SV2C: variants seen among roughly 807,000 people sequenced by gnomAD.
SV2C encodes synaptic vesicle glycoprotein 2C.
Under a neutral mutation model 79.7 loss-of-function variants are expected in SV2C, and 49 were observed. The observed-to-expected ratio is 0.61, with a 90% confidence interval of 0.49 to 0.78. The LOEUF is 0.78. Among genes scored for constraint, SV2C ranks in the 30% least tolerant of loss-of-function variants. SV2C has a pLI of 0.00. For missense variants in SV2C, 833 were observed against 912.9 expected (o/e 0.91, Z 1.13); for synonymous variants, 334 against 333.2 (o/e 1.00, Z -0.03).
At chr5:76,184,663 A>T (rs1743855141) in intron 2 of SV2C, among the ~76,000 whole-genome samples, 1 of 152,212 alleles carries the variant, frequency 6.6e-6, no homozygotes, top group Admixed American at 6.5e-5. Context: ...CTCAGATCTC[A>T]TGAGAACTCA....
rs1259855690 is a variant in SV2C, at chr5:76,131,740, G to T, written c.-11G>T. On this transcript the variant is annotated 5_prime_UTR_variant, in exon 2 of 13. Coordinates refer to ENST00000502798, the MANE Select transcript of SV2C (RefSeq NM_014979.4). ...TTTCCCATCTTCTCATTGGCCATCA[G>T]TTGAGATAAGATGGAAGACTCTTAC... is the stretch of plus-strand genomic sequence containing the variant. 1 of 1,583,282 alleles carries T rather than the reference G, an allele frequency of 6.3e-7. No individual in the cohort carries two copies. The highest frequency in any genetic ancestry group is 8.6e-7 in the Non-Finnish European group (1 of 1,161,808).
chr5:75,871,437 G>A, the SV2C span, among the ~76,000 whole-genome samples: 16 of 152,242 alleles, frequency 1.1e-4, no homozygotes, highest in South Asian at 2.3e-3. Flanking sequence ...TCATTTGCAA[G>A]TGATAAGACT....
At chr5:75,938,076 G>C in the SV2C span, among the ~76,000 whole-genome samples, 2 of 152,156 alleles carry the variant, frequency 1.3e-5, no homozygotes, top group African/African-American at 4.8e-5. Context: ...TTTGAAAGAA[G>C]AGACATGATT....
rs1321307494 is a variant in SV2C, at chr5:76,083,450, C to A, written c.-164C>A. The A allele has an allele frequency of 6.6e-6, 1 of 152,456 alleles. No individual in the cohort carries two copies. Among genetic ancestry groups the A allele is most frequent in the Non-Finnish European group, 1.5e-5 (1 of 68,272 alleles). The allele number at this position is 152,456 out of a possible 1,614,324, so 9.4% of individuals were successfully genotyped here. On this transcript the variant is annotated 5_prime_UTR_variant, in exon 1 of 13. Coordinates refer to ENST00000502798, the MANE Select transcript of SV2C (RefSeq NM_014979.4). Reference sequence around the variant, plus strand: ...CCCGGGGAAGCGAGCCGGAGCGGCGCCCGCACTGAGGCGGCTGCAGTGCTG... The same window carrying A: ...CCCGGGGAAGCGAGCCGGAGCGGCGACCGCACTGAGGCGGCTGCAGTGCTG...
chr5:76,270,667 T>A (rs1227803038), intron 4 of SV2C, among the ~76,000 whole-genome samples: 1 of 152,232 alleles, frequency 6.6e-6, no homozygotes, highest in East Asian at 1.9e-4. Context: ...ATGTATATTG[T>A]GTTGGGGCTC....
chr5:75,905,273 G>C, the SV2C span, among the ~76,000 whole-genome samples: 1 of 152,162 alleles, frequency 6.6e-6, no homozygotes, highest in South Asian at 2.1e-4. Context: ...GTGATCACAT[G>C]AGAACAAAGA....
chr5:76,022,181 A>G, the SV2C span, among the ~76,000 whole-genome samples: 4 of 152,206 alleles, frequency 2.6e-5, no homozygotes, highest in Non-Finnish European at 5.9e-5. Flanking sequence ...CATTTAGCAC[A>G]CTGAAGGATG....
intron 1 of SV2C, among the ~76,000 whole-genome samples, chr5:76,110,321 TG>T (rs1561219221): frequency 6.6e-6 from 1 of 152,128 alleles, no homozygotes; most frequent in Non-Finnish European, 1.5e-5. Flanking sequence ...TTGTGCTCGT[TG>T]GGAAGTGGAT....
rs748000460 is a variant in SV2C, at chr5:76,291,218, C to T, written c.1138-3C>T. ...TAGCGCTTTGGTCTGTTTCTCTCTACAGGTAAACAAAATAAAAACTCCTAA... is the reference window on the plus strand; with the variant it reads ...TAGCGCTTTGGTCTGTTTCTCTCTATAGGTAAACAAAATAAAAACTCCTAA... On this transcript the variant is annotated splice_region_variant and splice_polypyrimidine_tract_variant and intron_variant, in intron 6 of 12. Transcript: ENST00000502798. The T allele has an allele frequency of 5.0e-6, 8 of 1,602,938 alleles. No individual in the cohort carries two copies. Among genetic ancestry groups the T allele is most frequent in the Non-Finnish European group, 6.8e-6 (8 of 1,171,856 alleles).
chr5:75,916,614 A>C, the SV2C span, among the ~76,000 whole-genome samples: 2 of 152,072 alleles, frequency 1.3e-5, no homozygotes, highest in Admixed American at 6.5e-5. Flanking sequence ...AGCTGGGATT[A>C]CAGGCACACA....
At chr5:75,848,445 G>A in the SV2C span, among the ~76,000 whole-genome samples, 1 of 152,176 alleles carries the variant, frequency 6.6e-6, no homozygotes, top group Non-Finnish European at 1.5e-5. Context: ...CTGGGGAGAA[G>A]GATGAAGGAA....
At chr5:75,886,395 C>T in the SV2C span, among the ~76,000 whole-genome samples, 526 of 152,288 alleles carry the variant, frequency 3.5e-3, 1 homozygote, top group African/African-American at 0.012. Flanking sequence ...CTCTGAGCCA[C>T]CAGAGGAGGC....
the SV2C span, among the ~76,000 whole-genome samples, chr5:75,908,774 C>T: frequency 2.0e-5 from 3 of 152,180 alleles, no homozygotes; most frequent in Admixed American, 6.5e-5. Context: ...GTAGATTTAT[C>T]ATTGTCAGTG....
chr5:76,217,255 C>T (rs1255022483), intron 4 of SV2C, among the ~76,000 whole-genome samples: 1 of 152,172 alleles, frequency 6.6e-6, no homozygotes, highest in Admixed American at 6.5e-5. Context: ...TACATATATT[C>T]CCAAGGTTGT....
At chr5:76,002,631 G>T in the SV2C span, among the ~76,000 whole-genome samples, 252 of 152,142 alleles carry the variant, frequency 1.7e-3, 7 homozygotes, top group East Asian at 0.043. Context: ...ACATATCTAG[G>T]GGCAGAAAGA....
intron 12 of SV2C, among the ~76,000 whole-genome samples, chr5:76,316,676 C>T (rs937469685): frequency 2.6e-5 from 4 of 152,144 alleles, no homozygotes; most frequent in African/African-American, 9.6e-5. Flanking sequence ...TGAGTGGGTA[C>T]CATGAGGGAA....
rs1350809221 is a variant in SV2C at position 76,330,190 on chromosome 5, G to T, written c.*4643G>T. The T allele has an allele frequency of 2.0e-5, 3 of 152,004 alleles. No individual in the cohort carries two copies. Among genetic ancestry groups the T allele is most frequent in the South Asian group, 2.1e-4 (1 of 4,804 alleles). The allele number at this position is 152,004 out of a possible 1,614,324, so 9.4% of individuals were successfully genotyped here. Reference sequence around the variant, plus strand: ...CTAAATGTTGACCATTCCTCTTGTCGCCCGTCTCTCACCAACCAGTCACAG... The same window carrying T: ...CTAAATGTTGACCATTCCTCTTGTCTCCCGTCTCTCACCAACCAGTCACAG... On this transcript the variant is annotated 3_prime_UTR_variant, in exon 13 of 13. Transcript: ENST00000502798.
In SV2C at chr5:76,177,070, A is replaced by G. The variant is rs376241109; in HGVS notation, c.581-17849A>G. The stretch of plus-strand genomic sequence containing the variant: ...GCAGAGCTTGCAGTGAGCCGAGATC[A>G]CGCCACTGCACTCCAGCCTGGGCGA... On this transcript the variant is annotated intron_variant, in intron 2 of 12. Transcript: ENST00000502798. 1.2e-3 allele frequency among the ~76,000 whole-genome samples: 178 copies of G among 151,034 alleles called. 2 individuals carry two copies. Among genetic ancestry groups the G allele is most frequent in the Admixed American group, 2.0e-3 (31 of 15,182 alleles).
At position 76,170,748 on chromosome 5, in the gene SV2C, G is replaced by GT. The variant is rs1019355726; in HGVS notation, c.581-24165dup. Among the ~76,000 whole-genome samples the GT allele has an allele frequency of 2.0e-5, 3 of 149,322 alleles. 1 individual carries two copies. Among genetic ancestry groups the GT allele is most frequent in the Admixed American group, 1.3e-4 (2 of 15,036 alleles). On this transcript the variant is annotated intron_variant, in intron 2 of 12. Transcript: ENST00000502798. ...AAAGACAAGATCACTGTCTCCACAG[G>GT]TTTTTTAAAAATTAAAAAAACTGAG... is the stretch of plus-strand genomic sequence containing the variant.
Sources: gnomAD v4.1 joint callset for allele counts (sites outside exome capture counted in the v4.1 genomes callset) on GRCh38, gnomAD v4.1.1 for gene constraint, MANE v1.5 for transcripts, NCBI Gene and HGNC (gene_info 2026-07-23, HGNC 2026-07-21) for gene names.